CSMD1: variants seen among roughly 807,000 people sequenced by gnomAD.
The protein encoded by CSMD1 is CUB and sushi domain-containing protein 1.
Under a neutral mutation model 417.5 loss-of-function variants are expected in CSMD1, and 213 were observed. The ratio of observed to expected loss-of-function variants is 0.51; its 90% CI spans 0.46 to 0.57. The LOEUF (loss-of-function observed/expected upper bound fraction) is 0.57. CSMD1 is among the 20% of genes least tolerant of loss of function. The pLI is 0.00. For missense variants in CSMD1, 6,923 were observed against 4,529.7 expected, an observed-to-expected ratio of 1.53 and a Z score of -15.17; for synonymous variants, 2,862 against 1,736.8, an observed-to-expected ratio of 1.65 and a Z score of -16.11.
chr8:4,680,761 G>C (rs1805987863), intron 1 of CSMD1, among the ~76,000 whole-genome samples: 1 of 151,982 alleles, frequency 6.6e-6, no homozygotes, highest in Non-Finnish European at 1.5e-5. Flanking sequence ...TGTATTTTTA[G>C]TAGAGACGAG....
chr8:4,663,334 G>A (rs1412218983), intron 1 of CSMD1, among the ~76,000 whole-genome samples: 1 of 152,148 alleles, frequency 6.6e-6, no homozygotes, highest in Admixed American at 6.5e-5. Flanking sequence ...AAAGAGCAGA[G>A]CAAAACTACG....
At chr8:3,757,836 C>A (rs1049765645) in intron 5 of CSMD1, among the ~76,000 whole-genome samples, 4 of 145,272 alleles carry the variant, frequency 2.8e-5, no homozygotes, top group Non-Finnish European at 4.5e-5. Flanking sequence ...GTGAAAAGAG[C>A]GAGACTTCAT....
intron 2 of CSMD1, among the ~76,000 whole-genome samples, chr8:4,499,403 T>G (rs1802139018): frequency 6.6e-6 from 1 of 152,190 alleles, no homozygotes; most frequent in Non-Finnish European, 1.5e-5. Context: ...CAGGTTCTTA[T>G]TACTTTATTG....
chr8:3,889,342 T>A (rs182571117), intron 5 of CSMD1, among the ~76,000 whole-genome samples: 3 of 151,238 alleles, frequency 2.0e-5, no homozygotes, highest in African/African-American at 7.3e-5. Flanking sequence ...CCATGTCTTA[T>A]GGTACTAAAA....
intron 41 of CSMD1, among the ~76,000 whole-genome samples, chr8:3,121,373 G>C (rs1009356085): frequency 6.6e-6 from 1 of 152,094 alleles, no homozygotes; most frequent in African/African-American, 2.4e-5. Flanking sequence ...AAATGATTGA[G>C]AACAAGAAAA....
At chr8:4,379,297 G>T (rs542325547) in intron 3 of CSMD1, among the ~76,000 whole-genome samples, 1 of 152,238 alleles carries the variant, frequency 6.6e-6, no homozygotes, top group Non-Finnish European at 1.5e-5. Context: ...AACTGTCAAG[G>T]TCAAGAAAGA....
intron 10 of CSMD1, among the ~76,000 whole-genome samples, chr8:3,564,009 C>T (rs1203647179): frequency 6.6e-6 from 1 of 152,050 alleles, no homozygotes; most frequent in Non-Finnish European, 1.5e-5. Flanking sequence ...TCTTTTTAAG[C>T]TACTTTTATT....
chr8:4,191,279 C>A (rs187756660), intron 3 of CSMD1, among the ~76,000 whole-genome samples: 4,235 of 151,950 alleles, frequency 0.028, 214 homozygotes, highest in African/African-American at 0.096. Context: ...ACCTGTAGTC[C>A]CAGCTACTCG....
chr8:4,416,163 G>C (rs542679444), intron 3 of CSMD1, among the ~76,000 whole-genome samples: 3 of 152,168 alleles, frequency 2.0e-5, no homozygotes, highest in Non-Finnish European at 4.4e-5. Flanking sequence ...AGCAAGTAGT[G>C]ATTCTAGTTA....
At chr8:3,485,537 A>G (rs944490246) in intron 11 of CSMD1, among the ~76,000 whole-genome samples, 1 of 116,070 alleles carries the variant, frequency 8.6e-6, no homozygotes, top group African/African-American at 3.6e-5. Context: ...ACACACACAC[A>G]CAGAGAGAGA....
chr8:3,583,137 C>T (rs1007976987), intron 9 of CSMD1, among the ~76,000 whole-genome samples: 3 of 152,044 alleles, frequency 2.0e-5, no homozygotes, highest in Admixed American at 2.0e-4. Flanking sequence ...AACAGCCTGT[C>T]TTTCAGAATT....
chr8:3,927,483 G>A (rs1326375215), intron 5 of CSMD1, among the ~76,000 whole-genome samples: 2 of 151,926 alleles, frequency 1.3e-5, no homozygotes, highest in East Asian at 3.9e-4. Flanking sequence ...TGGCCAACAT[G>A]GTGAGACCCC....
intron 10 of CSMD1, among the ~76,000 whole-genome samples, chr8:3,557,904 C>A (rs775090346): frequency 1.3e-5 from 2 of 152,058 alleles, no homozygotes; most frequent in Non-Finnish European, 2.9e-5. Flanking sequence ...ATAAGTTATA[C>A]GGTCAACTCC....
intron 1 of CSMD1, among the ~76,000 whole-genome samples, chr8:4,743,334 T>G (rs1355131733): frequency 6.6e-6 from 1 of 152,160 alleles, no homozygotes; most frequent in Non-Finnish European, 1.5e-5. Context: ...GAACACTAAA[T>G]GGACAAAAAC....
At chr8:3,992,130 G>A (rs904904965) in intron 5 of CSMD1, among the ~76,000 whole-genome samples, 4 of 151,310 alleles carry the variant, frequency 2.6e-5, no homozygotes, top group Admixed American at 2.6e-4. Context: ...ATATATGTGT[G>A]TGTGTGTGTA....
intron 9 of CSMD1, among the ~76,000 whole-genome samples, chr8:3,577,279 G>T (rs1800189490): frequency 6.6e-6 from 1 of 152,132 alleles, no homozygotes; most frequent in African/African-American, 2.4e-5. Context: ...AATAAAATAT[G>T]CATAGGAAGC....
chr8:4,503,909 A>C (rs1044265273), intron 2 of CSMD1, among the ~76,000 whole-genome samples: 1 of 152,006 alleles, frequency 6.6e-6, no homozygotes, highest in Admixed American at 6.6e-5. Context: ...TTCTGCTTCA[A>C]AATTAAACCG....
chr8:3,824,679 T>C lies in CSMD1; in HGVS notation c.819-70637A>G, dbSNP rs372558423. Among the ~76,000 whole-genome samples the C allele has an allele frequency of 7.9e-5, 12 of 152,358 alleles. No homozygotes were observed. The East Asian group carries it at 1.5e-3, about 20-fold the overall frequency. On this transcript the variant is annotated intron_variant, in intron 5 of 69. Transcript: ENST00000635120. ...TGTTATATATTGAGTTAATGATGTA[T>C]ATTAATATTAATTTTACCTGTATCT...
chr8:4,465,741 T>C (rs1265430580), intron 2 of CSMD1, among the ~76,000 whole-genome samples: 1 of 152,182 alleles, frequency 6.6e-6, no homozygotes, highest in Non-Finnish European at 1.5e-5. Context: ...GGAGGAACTC[T>C]AGTTTGTAGG....
Sources: allele counts gnomAD v4.1 joint callset (sites outside exome capture counted in the v4.1 genomes callset), GRCh38; gene constraint gnomAD v4.1.1; transcripts MANE v1.5; gene names NCBI Gene and HGNC (gene_info 2026-07-23, HGNC 2026-07-21).